The following RTN4IP1 variants were observed in gnomAD, a reference collection of about 807,000 sequenced individuals.
RTN4IP1 encodes the protein NAD(P)H oxidoreductase RTN4IP1, mitochondrial.
Under a neutral mutation model 46.6 loss-of-function variants are expected in RTN4IP1, and 32 were observed. The ratio of observed to expected loss-of-function variants is 0.69; its 90% CI spans 0.52 to 0.92. The LOEUF (loss-of-function observed/expected upper bound fraction) is 0.92. Ranked by LOEUF, RTN4IP1 falls within the 40% of genes least tolerant of loss-of-function variation. RTN4IP1 has a pLI of 0.00. For synonymous variants in RTN4IP1, 167 were observed against 161.8 expected, an observed-to-expected ratio of 1.03 and a Z score of -0.24; for missense variants, 424 against 485.8, an observed-to-expected ratio of 0.87 and a Z score of 1.20.
chr6:106,598,184 G>A (rs1489296240), intron 5 of RTN4IP1, among the ~76,000 whole-genome samples: 1 of 152,152 alleles, frequency 6.6e-6, no homozygotes, highest in Non-Finnish European at 1.5e-5. Flanking sequence ...ATAGTAGCAT[G>A]ATTTATAGTC....
chr6:106,581,927 T>G (rs1029492055), intron 8 of RTN4IP1, among the ~76,000 whole-genome samples: 2 of 152,210 alleles, frequency 1.3e-5, no homozygotes, highest in African/African-American at 4.8e-5. Context: ...TCCAACCACA[T>G]GAAGCACTTA....
intron 8 of RTN4IP1, 92 bp downstream of exon 8, chr6:106,583,236 A>C: frequency 1.0e-6 from 1 of 952,496 alleles, no homozygotes; most frequent in Non-Finnish European, 1.7e-6. Flanking sequence ...CTACCTCTGT[A>C]GAGTCCCTAC....
chr6:106,593,993 C>T (rs1371296505), intron 5 of RTN4IP1, among the ~76,000 whole-genome samples: 5 of 152,186 alleles, frequency 3.3e-5, no homozygotes, highest in Admixed American at 1.3e-4. Flanking sequence ...TAAGCACCCA[C>T]ATTTAATACA....
At chr6:106,591,719 C>T (rs1256708961) in intron 6 of RTN4IP1, among the ~76,000 whole-genome samples, 1 of 152,116 alleles carries the variant, frequency 6.6e-6, no homozygotes, top group Non-Finnish European at 1.5e-5. Flanking sequence ...CTGGGAACAT[C>T]CACAGTGCTC....
At chr6:106,622,574 G>A (rs1440153196) in intron 2 of RTN4IP1, among the ~76,000 whole-genome samples, 1 of 152,206 alleles carries the variant, frequency 6.6e-6, no homozygotes, top group Admixed American at 6.5e-5. Context: ...TGCAGAGGCA[G>A]GGCACGGTCG....
upstream of RTN4IP1, chr6:106,629,668 TG>T: frequency 1.9e-6 from 3 of 1,604,016 alleles, no homozygotes; most frequent in South Asian, 1.1e-5. Flanking sequence ...GGTGGCAGGC[TG>T]GGCACGAGGA....
chr6:106,615,856 C>T (rs59766351), intron 4 of RTN4IP1, among the ~76,000 whole-genome samples: 2,895 of 152,208 alleles, frequency 0.019, 74 homozygotes, highest in African/African-American at 0.067. Flanking sequence ...TCCTACTGAA[C>T]AAATCATGAA....
intron 5 of RTN4IP1, among the ~76,000 whole-genome samples, chr6:106,601,839 G>A (rs1241239592): frequency 5.3e-5 from 8 of 152,138 alleles, no homozygotes; most frequent in Admixed American, 4.6e-4. Context: ...TTGAACTCCC[G>A]ACCTCAAGTG....
chr6:106,591,910 G>A (rs1046508843), intron 6 of RTN4IP1, among the ~76,000 whole-genome samples: 1 of 152,126 alleles, frequency 6.6e-6, no homozygotes, highest in Non-Finnish European at 1.5e-5. Context: ...AAACCAGCAT[G>A]CTAACTTAAA....
At chr6:106,597,744 T>C (rs1345215173) in intron 5 of RTN4IP1, among the ~76,000 whole-genome samples, 2 of 151,880 alleles carry the variant, frequency 1.3e-5, no homozygotes, top group Non-Finnish European at 2.9e-5. Context: ...GTGCACATTG[T>C]GCAGGTTAGT....
intron 3 of RTN4IP1, among the ~76,000 whole-genome samples, chr6:106,620,617 T>G (rs1409286142): frequency 6.6e-6 from 1 of 152,190 alleles, no homozygotes; most frequent in Non-Finnish European, 1.5e-5. Flanking sequence ...TCCAAGATTA[T>G]CCTTAATAAA....
chr6:106,590,397 T>C (rs546166188), intron 6 of RTN4IP1, among the ~76,000 whole-genome samples: 39 of 152,000 alleles, frequency 2.6e-4, no homozygotes, highest in South Asian at 8.3e-4. Flanking sequence ...CCCAGTATCA[T>C]GTTGCTATTC....
intron 6 of RTN4IP1, among the ~76,000 whole-genome samples, chr6:106,589,401 T>C (rs1299848446): frequency 6.6e-6 from 1 of 151,448 alleles, no homozygotes; most frequent in Non-Finnish European, 1.5e-5. Flanking sequence ...ATGATGACCT[T>C]AATAGATGAC....
intron 7 of RTN4IP1, 79 bp downstream of exon 7, chr6:106,587,600 G>A: frequency 4.4e-6 from 6 of 1,353,020 alleles, no homozygotes; most frequent in Non-Finnish European, 6.1e-6. Context: ...TCCAAGAGAA[G>A]AGAAACTGGC....
intron 1 of RTN4IP1, among the ~76,000 whole-genome samples, chr6:106,623,607 TAAAA>T (rs907289736): frequency 6.6e-6 from 1 of 152,114 alleles, no homozygotes; most frequent in African/African-American, 2.4e-5. Flanking sequence ...AGATTTTCTT[TAAAA>T]AAAATTTACT....
intron 4 of RTN4IP1, among the ~76,000 whole-genome samples, chr6:106,607,384 A>G (rs1776107205): frequency 6.6e-6 from 1 of 152,158 alleles, no homozygotes; most frequent in African/African-American, 2.4e-5. Flanking sequence ...AAATAGGACT[A>G]TATCAAACTA....
At position 106,602,992 on chromosome 6, in the gene RTN4IP1, A is replaced by T. The variant is rs6568446; in HGVS notation, c.621-70T>A. Reference sequence around the variant, plus strand: ...TATAACTGGATAAACGTTTTCAACAAATAACTGGTTGATGATAAGATGATA... The same window carrying T: ...TATAACTGGATAAACGTTTTCAACATATAACTGGTTGATGATAAGATGATA... On this transcript the variant is annotated intron_variant, in intron 4 of 8. Transcript: ENST00000369063. 1,052,367 of 1,080,456 alleles carry T rather than the reference A, an allele frequency of 0.97. 514,267 individuals are homozygous for T. The highest frequency in any genetic ancestry group is 1 in the Non-Finnish European group (734,181 of 735,502). 66.9% of individuals were successfully genotyped at this position (1,080,456 alleles called of 1,614,324 possible).
intron 5 of RTN4IP1, among the ~76,000 whole-genome samples, chr6:106,594,914 C>T (rs1775745930): frequency 6.6e-6 from 1 of 152,008 alleles, no homozygotes; most frequent in South Asian, 2.1e-4. Flanking sequence ...GATTCTCCTG[C>T]CCTCAGCCTC....
Position 106,628,945 on chromosome 6 carries a change from T to C in RTN4IP1, c.77A>G (p.Gln26Arg), listed in dbSNP as rs771974139. 28 of 1,614,026 alleles carry C rather than the reference T, an allele frequency of 1.7e-5. No homozygotes were observed. In the East Asian group the frequency reaches 6.2e-4, roughly 36 times the overall value. Residue 26 changes from glutamine to arginine, a missense_variant, in exon 1 of 9, where the codon CAA becomes CGA. Gln to Arg is a conservative substitution (Grantham distance 43). Transcript: ENST00000369063. ...AVCFWRSKVV[Q>R]KPSVRRISTT... is the part of the protein sequence containing the mutation. ...ACTAATCCTTCTAACTGAAGGCTTTTGGACAACTTTGCTTCTCCAGAAGCA... is the reference window on the plus strand; with the variant it reads ...ACTAATCCTTCTAACTGAAGGCTTTCGGACAACTTTGCTTCTCCAGAAGCA...
Sources: allele counts gnomAD v4.1 joint callset (sites outside exome capture counted in the v4.1 genomes callset), GRCh38; gene constraint gnomAD v4.1.1; transcripts MANE v1.5; gene names NCBI Gene and HGNC (gene_info 2026-07-23, HGNC 2026-07-21).